Variants in HIVEP3 observed in about 807,000 individuals in gnomAD.
HIVEP3 encodes the protein HIVEP zinc finger 3, also known as transcription factor HIVEP3.
A neutral mutation model predicts 152.8 loss-of-function variants in HIVEP3; 49 were observed. The observed-to-expected ratio is 0.32, with a 90% confidence interval of 0.26 to 0.41. The LOEUF (loss-of-function observed/expected upper bound fraction) is 0.41, where lower values mean the gene tolerates loss of function less well. Among genes scored for constraint, HIVEP3 ranks in the 10% least tolerant of loss-of-function variants. HIVEP3 has a pLI of 1.00. For missense variants in HIVEP3, 2,790 were observed against 3,103.3 expected, an observed-to-expected ratio of 0.90 and a Z score of 2.40; for synonymous variants, 1,269 against 1,289.0, an observed-to-expected ratio of 0.98 and a Z score of 0.33.
chr1:41,800,465 C>T (rs895883494), intron 1 of HIVEP3, among the ~76,000 whole-genome samples: 1 of 152,258 alleles, frequency 6.6e-6, no homozygotes, highest in Non-Finnish European at 1.5e-5. Context: ...TGGCACCAGG[C>T]CCCTCGATGT....
chr1:41,709,853 C>CT (rs1439084127), intron 1 of HIVEP3, among the ~76,000 whole-genome samples: 1 of 152,180 alleles, frequency 6.6e-6, no homozygotes, highest in Non-Finnish European at 1.5e-5. Context: ...TCAATTGCAG[C>CT]TTCTGCTGGC....
chr1:42,014,510 G>A (rs1645510894), intron 1 of HIVEP3, among the ~76,000 whole-genome samples: 1 of 152,134 alleles, frequency 6.6e-6, no homozygotes, highest in South Asian at 2.1e-4. Flanking sequence ...CACAAATAAA[G>A]CTGCGCCAAC....
chr1:41,993,061 G>C (rs1316284207), intron 1 of HIVEP3, among the ~76,000 whole-genome samples: 1 of 150,582 alleles, frequency 6.6e-6, no homozygotes, highest in African/African-American at 2.4e-5. Flanking sequence ...AGAAAACCTA[G>C]GCAATACCAT....
At chr1:41,798,424 C>T (rs986884513) in intron 1 of HIVEP3, among the ~76,000 whole-genome samples, 3 of 152,186 alleles carry the variant, frequency 2.0e-5, no homozygotes, top group Admixed American at 6.5e-5. Flanking sequence ...TGATGCCAAG[C>T]CTCAAATTTG....
intron 1 of HIVEP3, among the ~76,000 whole-genome samples, chr1:41,811,614 G>A (rs936779678): frequency 6.0e-5 from 9 of 150,308 alleles, no homozygotes; most frequent in Admixed American, 6.6e-5. Context: ...GGTTAGTGAC[G>A]GGCCCAGAGC....
chr1:41,711,034 G>A (rs1646505975), intron 1 of HIVEP3, among the ~76,000 whole-genome samples: 1 of 152,260 alleles, frequency 6.6e-6, no homozygotes, highest in South Asian at 2.1e-4. Context: ...ATGTCCCTGA[G>A]TCAGCCCTTT....
intron 2 of HIVEP3, among the ~76,000 whole-genome samples, chr1:41,695,914 G>T (rs1382242371): frequency 2.6e-5 from 4 of 152,188 alleles, no homozygotes; most frequent in Non-Finnish European, 5.9e-5. Context: ...GCTGATGAAT[G>T]GGAAGAGCCC....
At chr1:41,680,211 T>C (rs1235738031) in intron 2 of HIVEP3, among the ~76,000 whole-genome samples, 1 of 152,210 alleles carries the variant, frequency 6.6e-6, no homozygotes. Context: ...AGGCCTGACA[T>C]TGGGCCACTC....
At chr1:41,617,177 T>C (rs1417199550) in intron 3 of HIVEP3, among the ~76,000 whole-genome samples, 2 of 152,236 alleles carry the variant, frequency 1.3e-5, no homozygotes, top group Non-Finnish European at 2.9e-5. Flanking sequence ...TAAGTTTGTA[T>C]ATTTTTTGTA....
Position 41,518,355 on chromosome 1 carries a change from G to A in HIVEP3, c.5470+47C>T, listed in dbSNP as rs912802853. 46 of 1,512,920 alleles carry A rather than the reference G, an allele frequency of 3.0e-5. 1 individual carries two copies. Among genetic ancestry groups the A allele is most frequent in the Non-Finnish European group, 4.2e-5 (46 of 1,087,428 alleles). The allele number at this position is 1,512,920 out of a possible 1,614,324, so 93.7% of individuals were successfully genotyped here. A position where few individuals can be genotyped will look rare whatever the true frequency, so the allele number is the denominator to read the frequency against. The stretch of plus-strand genomic sequence containing the variant: ...AGCAGGAAAGGTGGAGGAGGATAGG[G>A]AAAGCGGACAAGGGGAAAGGGGACG... On this transcript the variant is annotated intron_variant, in intron 7 of 8. Transcript: ENST00000372583.
chr1:41,715,408 C>T (rs768108101), intron 1 of HIVEP3, among the ~76,000 whole-genome samples: 20 of 152,048 alleles, frequency 1.3e-4, no homozygotes, highest in Admixed American at 9.2e-4. Flanking sequence ...GCCCAGGCGA[C>T]CTGAAGGGGA....
At chr1:41,880,806 G>A (rs975387924) in intron 1 of HIVEP3, among the ~76,000 whole-genome samples, 9 of 152,156 alleles carry the variant, frequency 5.9e-5, no homozygotes, top group Non-Finnish European at 1.2e-4. Context: ...GAAAGGAGGG[G>A]AGACCTGCAT....
At chr1:41,825,718 C>T (rs766630461) in intron 1 of HIVEP3, among the ~76,000 whole-genome samples, 7 of 152,030 alleles carry the variant, frequency 4.6e-5, no homozygotes, top group Non-Finnish European at 1.0e-4. Flanking sequence ...GTGATCCTTC[C>T]ACCTCAACCT....
At chr1:41,799,835 G>C (rs1650202163) in intron 1 of HIVEP3, among the ~76,000 whole-genome samples, 1 of 152,070 alleles carries the variant, frequency 6.6e-6, no homozygotes, top group Non-Finnish European at 1.5e-5. Context: ...TCTTTTCATA[G>C]GGGGAATCAT....
intron 1 of HIVEP3, among the ~76,000 whole-genome samples, chr1:41,933,124 C>T (rs559011078): frequency 6.6e-6 from 1 of 152,056 alleles, no homozygotes; most frequent in South Asian, 2.1e-4. Flanking sequence ...TTCATGTGCA[C>T]TTTAGAAAGA....
chr1:41,763,580 G>T (rs1411401591), intron 1 of HIVEP3, among the ~76,000 whole-genome samples: 1 of 152,178 alleles, frequency 6.6e-6, no homozygotes, highest in Non-Finnish European at 1.5e-5. Flanking sequence ...ATTGAGCATA[G>T]GAGGAAAATA....
intron 2 of HIVEP3, among the ~76,000 whole-genome samples, chr1:41,631,527 C>A (rs1270117568): frequency 6.6e-6 from 1 of 152,146 alleles, no homozygotes; most frequent in Non-Finnish European, 1.5e-5. Flanking sequence ...ATTCACACAG[C>A]CTCAGAATCA....
intron 1 of HIVEP3, among the ~76,000 whole-genome samples, chr1:41,804,146 C>G (rs1391998647): frequency 6.6e-6 from 1 of 152,182 alleles, no homozygotes; most frequent in Non-Finnish European, 1.5e-5. Flanking sequence ...GAGCAAACAG[C>G]TCCTACTTAC....
chr1:41,770,225 G>A (rs959942092), intron 1 of HIVEP3, among the ~76,000 whole-genome samples: 6 of 151,882 alleles, frequency 4.0e-5, no homozygotes, highest in Admixed American at 2.0e-4. Flanking sequence ...TGCCCACCTC[G>A]GCCTCCCAAA....
Sources: gnomAD v4.1 joint callset for allele counts (sites outside exome capture counted in the v4.1 genomes callset) on GRCh38, gnomAD v4.1.1 for gene constraint, MANE v1.5 for transcripts, NCBI Gene and HGNC (gene_info 2026-07-23, HGNC 2026-07-21) for gene names.